PERP: variants seen among roughly 807,000 people sequenced by gnomAD.
PERP encodes p53 apoptosis effector related to PMP22.
In PERP, 11 loss-of-function variants were observed where a neutral mutation model predicts 20.3. The observed-to-expected ratio is 0.54, with a 90% CI of 0.34 to 0.90. The LOEUF is 0.90. PERP is among the 40% of genes least tolerant of loss of function. The pLI, the probability that PERP is intolerant of heterozygous loss-of-function variation, is 0.02. For missense variants in PERP, 224 were observed against 249.4 expected, an observed-to-expected ratio of 0.90 and a Z score of 0.69; for synonymous variants, 101 against 102.0, an observed-to-expected ratio of 0.99 and a Z score of 0.06.
At chr6:138,092,893 G>T (rs376397399) in intron 2 of PERP, among the ~76,000 whole-genome samples, 79 of 152,146 alleles carry the variant, frequency 5.2e-4, no homozygotes, top group African/African-American at 1.8e-3. Context: ...GGAGGGCAGG[G>T]GGAAGGGCAT....
At chr6:138,097,861 GC>G (rs1775719270) in intron 1 of PERP, among the ~76,000 whole-genome samples, 1 of 151,852 alleles carries the variant, frequency 6.6e-6, no homozygotes, top group African/African-American at 2.4e-5. Flanking sequence ...TATTTTTATC[GC>G]CCCGCAAAGA....
At chr6:138,094,377 T>C (rs964984977) in intron 2 of PERP, among the ~76,000 whole-genome samples, 1 of 152,052 alleles carries the variant, frequency 6.6e-6, no homozygotes, top group African/African-American at 2.4e-5. Flanking sequence ...CTCATGTAAA[T>C]GGAATAATAT....
chr6:138,107,407 G>C lies in PERP; in HGVS notation c.-67C>G, dbSNP rs1030269627. ...GGTCGGAGGAGCGCGCGGGACGGGCGACAGCAGAGAGTGGCCTGCGAGCGC... is the reference window on the plus strand; with the variant it reads ...GGTCGGAGGAGCGCGCGGGACGGGCCACAGCAGAGAGTGGCCTGCGAGCGC... On this transcript the variant is annotated 5_prime_UTR_variant, in exon 1 of 3. Transcript: ENST00000421351. The surrounding 1 kb of genome is among the most constrained non-coding windows in gnomAD (Gnocchi z 4.8). 17 of 1,305,974 alleles carry C rather than the reference G, an allele frequency of 1.3e-5. No individual in the cohort carries two copies. Among genetic ancestry groups the C allele is most frequent in the Admixed American group, 3.4e-5 (1 of 29,144 alleles). 80.9% of individuals were successfully genotyped at this position (1,305,974 alleles called of 1,614,324 possible).
rs746005463 is a variant in PERP at position 138,096,424 on chromosome 6, G to A, written c.285C>T (p.Ser95=). ...FIILVICFIL[S]FFALCGPQML... ...TCTGGGGTCCACAGAGGGCGAAGAA[G>A]GAGAGGATGAAACAGATCACCAGGA... Residue 95 remains serine, a synonymous_variant, in exon 2 of 3, where the codon TCC becomes TCT. Transcript: ENST00000421351. 1 of 1,614,084 alleles carries A rather than the reference G, an allele frequency of 6.2e-7. No individual in the cohort carries two copies. The highest frequency in any genetic ancestry group is 1.1e-5 in the South Asian group (1 of 91,058).
intron 1 of PERP, among the ~76,000 whole-genome samples, chr6:138,104,374 T>G (rs552625307): frequency 6.6e-6 from 1 of 152,226 alleles, no homozygotes; most frequent in Non-Finnish European, 1.5e-5. Context: ...AGCGAATAAT[T>G]TGGCTCCTTC....
chr6:138,102,429 A>C (rs571903596), intron 1 of PERP, among the ~76,000 whole-genome samples: 1 of 152,238 alleles, frequency 6.6e-6, no homozygotes, highest in East Asian at 1.9e-4. Context: ...ACAAACTATC[A>C]TCCAGGCAAC....
chr6:138,091,961 T>C lies in PERP; in HGVS notation c.*81A>G, dbSNP rs1372592091. ...AATATGAACACTGCCAAAAAATGGGTTCAAAGTCGCCTGGAGAAACAGTTT... is the reference window on the plus strand; with the variant it reads ...AATATGAACACTGCCAAAAAATGGGCTCAAAGTCGCCTGGAGAAACAGTTT... On this transcript the variant is annotated 3_prime_UTR_variant, in exon 3 of 3. Transcript: ENST00000421351. The C allele has an allele frequency of 4.4e-6, 6 of 1,367,662 alleles. No homozygotes were observed. The South Asian group carries it at 5.6e-5, about 13-fold the overall frequency. The allele number at this position is 1,367,662 out of a possible 1,614,324, so 84.7% of individuals were successfully genotyped here. A position where few individuals can be genotyped will look rare whatever the true frequency, so the allele number is the denominator to read the frequency against.
In PERP at chr6:138,090,964, T is replaced by A. The variant is rs1449895105; in HGVS notation, c.*1078A>T. The A allele has an allele frequency of 6.5e-6, 1 of 152,758 alleles. No homozygotes were observed. Among genetic ancestry groups the A allele is most frequent in the East Asian group, 1.9e-4 (1 of 5,182 alleles). 9.5% of individuals were successfully genotyped at this position (152,758 alleles called of 1,614,324 possible). Reference sequence around the variant, plus strand: ...TCATATATATGCTATTCAGAGAAACTCAAATCCCCGAATTCTCCTGTGGCA... The same window carrying A: ...TCATATATATGCTATTCAGAGAAACACAAATCCCCGAATTCTCCTGTGGCA... On this transcript the variant is annotated 3_prime_UTR_variant, in exon 3 of 3. Transcript: ENST00000421351.
At chr6:138,103,098 C>CAAAAA (rs10651274) in intron 1 of PERP, among the ~76,000 whole-genome samples, 1 of 146,942 alleles carries the variant, frequency 6.8e-6, no homozygotes. Flanking sequence ...GACTCCGTCT[C>CAAAAA]AAAAAAAAAA....
chr6:138,103,316 A>AT (rs1056486295), intron 1 of PERP, among the ~76,000 whole-genome samples: 41 of 151,522 alleles, frequency 2.7e-4, no homozygotes, highest in African/African-American at 9.5e-4. Context: ...TGCCGGGCTA[A>AT]TTTTTTTGTA....
In PERP at chr6:138,107,027, C is replaced by T. The variant is rs73774638; in HGVS notation, c.214+100G>A. ...ACAGGCATTCTGAAAAGCACTGGCT[C>T]CCCCGACCCTGTGAGGGCCCATCAC... On this transcript the variant is annotated intron_variant, in intron 1 of 2. Transcript: ENST00000421351. This position sits in a 1 kb window ranked among gnomAD's most constrained non-coding sequence, Gnocchi z 4.8. 4,747 of 1,218,366 alleles carry T rather than the reference C, an allele frequency of 3.9e-3. 152 individuals are homozygous for T. In the African/African-American group the frequency reaches 0.066, roughly 17 times the overall value. 75.5% of individuals were successfully genotyped at this position (1,218,366 alleles called of 1,614,324 possible). A position where few individuals can be genotyped will look rare whatever the true frequency, so the allele number is the denominator to read the frequency against.
intron 1 of PERP, among the ~76,000 whole-genome samples, chr6:138,099,467 T>A (rs1015554794): frequency 6.6e-6 from 1 of 152,202 alleles, no homozygotes; most frequent in Non-Finnish European, 1.5e-5. Flanking sequence ...AGGAAACATA[T>A]CTATATATGC....
At chr6:138,094,603 C>G (rs1775647826) in intron 2 of PERP, among the ~76,000 whole-genome samples, 1 of 152,186 alleles carries the variant, frequency 6.6e-6, no homozygotes, top group South Asian at 2.1e-4. Context: ...ACATGGGTTA[C>G]AAGTATCTTC....
At chr6:138,104,533 G>T (rs182890717) in intron 1 of PERP, among the ~76,000 whole-genome samples, 1 of 152,090 alleles carries the variant, frequency 6.6e-6, no homozygotes, top group East Asian at 1.9e-4. Flanking sequence ...GTCAATACTT[G>T]CCAGGAATAA....
rs373175098 is a variant in PERP, at chr6:138,107,361, C to CGAGCG, written c.-26_-22dup. 5.6e-5 allele frequency: 88 copies of CGAGCG among 1,564,064 alleles called. No homozygotes were observed. The East Asian group carries it at 1.0e-3, about 18-fold the overall frequency. On this transcript the variant is annotated 5_prime_UTR_variant, in exon 1 of 3. Transcript: ENST00000421351. The surrounding 1 kb of genome is among the most constrained non-coding windows in gnomAD (Gnocchi z 4.8). ...ATCATGTTGACGGGCGGCGCGGGGC[C>CGAGCG]GAGCGGAGCGGAGCGGAGCGGGTCG...
intron 1 of PERP, among the ~76,000 whole-genome samples, chr6:138,106,903 CT>C (rs577977770): frequency 3.9e-4 from 53 of 134,328 alleles, no homozygotes; most frequent in Middle Eastern, 3.8e-3. Flanking sequence ...GAACTACGGC[CT>C]TTTTTTTTTT....
Position 138,096,358 on chromosome 6 carries a change from C to T in PERP, c.351G>A (p.Leu117=). 6.2e-7 allele frequency: 1 copy of T among 1,613,792 alleles called. No homozygotes were observed. Among genetic ancestry groups the T allele is most frequent in the South Asian group, 1.1e-5 (1 of 91,018 alleles). The change falls in exon 2 of 3, where the codon TTG becomes TTA. Residue 117 remains leucine, a synonymous_variant. Transcript: ENST00000421351. ...FLRVIGGLLA[L]AAVFQIISLV... ...ATTGCTGACACACAGTCTTACCAGC[C>T]AAGGCAAGGAGACCTCCAATCACTC...
intron 1 of PERP, among the ~76,000 whole-genome samples, chr6:138,106,871 C>T (rs1775849623): frequency 6.7e-6 from 1 of 149,118 alleles, no homozygotes; most frequent in African/African-American, 2.5e-5. Flanking sequence ...CGACAAAACC[C>T]AGGAAAAAAA....
chr6:138,100,760 C>G (rs1427473857), intron 1 of PERP, among the ~76,000 whole-genome samples: 1 of 152,100 alleles, frequency 6.6e-6, no homozygotes, highest in Non-Finnish European at 1.5e-5. Context: ...TTTCTAAGTA[C>G]CATTTAGAAA....
Sources: allele counts gnomAD v4.1 joint callset (sites outside exome capture counted in the v4.1 genomes callset), GRCh38; gene constraint gnomAD v4.1.1; non-coding constraint Gnocchi (gnomAD v3.1); transcripts MANE v1.5; gene names NCBI Gene and HGNC (gene_info 2026-07-23, HGNC 2026-07-21).